The following NCAM2 variants were observed in gnomAD, a reference collection of about 807,000 sequenced individuals.
The protein encoded by NCAM2 is neural cell adhesion molecule 2.
In NCAM2, 30 loss-of-function variants were observed where a neutral mutation model predicts 98.1. That is an observed-to-expected ratio of 0.31 (90% CI 0.23 to 0.41). The LOEUF (loss-of-function observed/expected upper bound fraction) is 0.41, where lower values mean the gene tolerates loss of function less well. NCAM2 is among the 10% of genes least tolerant of loss of function. NCAM2 has a pLI of 1.00. For synonymous variants in NCAM2, 368 were observed against 342.4 expected (o/e 1.07, Z -0.83); for missense variants, 867 against 1,005.8 (o/e 0.86, Z 1.87).
At chr21:21,105,770 C>T (rs1319359960) in intron 1 of NCAM2, among the ~76,000 whole-genome samples, 3 of 152,058 alleles carry the variant, frequency 2.0e-5, no homozygotes, top group Non-Finnish European at 4.4e-5. Flanking sequence ...AGCCAATCTG[C>T]AAAGTCCATA....
intron 14 of NCAM2, among the ~76,000 whole-genome samples, chr21:21,469,916 T>C (rs1984215402): frequency 6.6e-6 from 1 of 152,102 alleles, no homozygotes; most frequent in East Asian, 1.9e-4. Flanking sequence ...AGATAATCTT[T>C]TCTAGGGAGG....
intron 9 of NCAM2, among the ~76,000 whole-genome samples, chr21:21,378,737 A>C (rs1255269860): frequency 6.6e-6 from 1 of 152,050 alleles, no homozygotes; most frequent in Admixed American, 6.6e-5. Context: ...TTGTTTATCT[A>C]GTACCTATTG....
chr21:21,337,723 T>G (rs2147871299), intron 7 of NCAM2, among the ~76,000 whole-genome samples: 1 of 152,132 alleles, frequency 6.6e-6, no homozygotes, highest in African/African-American at 2.4e-5. Flanking sequence ...GACATAATGC[T>G]TTTCTTTTTA....
rs374443430 is a variant in NCAM2, at chr21:21,418,584, A to G, written c.1480+15A>G. 3.9e-6 allele frequency: 6 copies of G among 1,538,236 alleles called. No individual in the cohort carries two copies. In the East Asian group the frequency reaches 6.8e-5, roughly 17 times the overall value. ...TGCTTTGGCTGGTAAGTATAGCACAATAATTTTTGAGATCGCACACAATAT... is the reference window on the plus strand; with the variant it reads ...TGCTTTGGCTGGTAAGTATAGCACAGTAATTTTTGAGATCGCACACAATAT... On this transcript the variant is annotated intron_variant, in intron 11 of 17. Transcript: ENST00000400546.
chr21:21,354,817 A>G lies in NCAM2; in HGVS notation c.1044+16283A>G, dbSNP rs564848526. Among the ~76,000 whole-genome samples, 17 of 104,648 alleles carry G rather than the reference A, an allele frequency of 1.6e-4. No individual in the cohort carries two copies. In the South Asian group the frequency reaches 2.9e-3, roughly 18 times the overall value. The allele number at this position is 104,648 out of a possible 152,430, so 68.7% of individuals were successfully genotyped here. On this transcript the variant is annotated intron_variant, in intron 8 of 17. Coordinates refer to ENST00000400546, the MANE Select transcript of NCAM2 (RefSeq NM_004540.5). ...AAATCATTGTAAAAGAAACTCATTT[A>G]CTTCCAGTCCTTAGCACTAAATGTT...
intron 8 of NCAM2, among the ~76,000 whole-genome samples, chr21:21,346,472 G>A (rs753361134): frequency 2.6e-5 from 4 of 152,086 alleles, no homozygotes; most frequent in Non-Finnish European, 5.9e-5. Flanking sequence ...TTGGACAAAT[G>A]TTTCAGACAG....
At chr21:21,323,310 A>T (rs1158675921) in intron 5 of NCAM2, among the ~76,000 whole-genome samples, 1 of 152,182 alleles carries the variant, frequency 6.6e-6, no homozygotes, top group South Asian at 2.1e-4. Flanking sequence ...TGTTTCTTGT[A>T]TCTAAATTCA....
chr21:21,115,535 C>T (rs1434657320), intron 1 of NCAM2, among the ~76,000 whole-genome samples: 3 of 152,138 alleles, frequency 2.0e-5, no homozygotes, highest in Admixed American at 2.0e-4. Flanking sequence ...TTTGGAAATG[C>T]AGCTTTCAAA....
intron 1 of NCAM2, among the ~76,000 whole-genome samples, chr21:21,030,650 C>G (rs953657762): frequency 6.6e-6 from 1 of 152,120 alleles, no homozygotes; most frequent in Admixed American, 6.5e-5. Flanking sequence ...CTGCCTATCA[C>G]GATTATTATA....
At chr21:21,098,115 G>C (rs4239833) in intron 1 of NCAM2, among the ~76,000 whole-genome samples, 98,159 of 148,968 alleles carry the variant, frequency 0.66, 35,448 homozygotes, top group Admixed American at 0.79. Flanking sequence ...ATGGAATTTA[G>C]TTTTACAAAA....
At chr21:21,449,508 C>T (rs1185550940) in intron 12 of NCAM2, among the ~76,000 whole-genome samples, 2 of 151,948 alleles carry the variant, frequency 1.3e-5, no homozygotes, top group Non-Finnish European at 2.9e-5. Flanking sequence ...CTTGTGGGCT[C>T]TCATGCACAT....
chr21:21,496,725 C>T (rs961004948), intron 15 of NCAM2, among the ~76,000 whole-genome samples: 3 of 152,044 alleles, frequency 2.0e-5, no homozygotes, highest in Admixed American at 6.6e-5. Context: ...AGGTTGTCGT[C>T]CAGGATTTTT....
At chr21:21,165,388 GA>G (rs1466724532) in intron 1 of NCAM2, among the ~76,000 whole-genome samples, 2 of 152,072 alleles carry the variant, frequency 1.3e-5, no homozygotes, top group African/African-American at 4.8e-5. Context: ...CCTCCTTCCA[GA>G]GCAAAAACAG....
At chr21:21,352,282 TGG>T (rs2075363414) in intron 8 of NCAM2, among the ~76,000 whole-genome samples, 1 of 151,734 alleles carries the variant, frequency 6.6e-6, no homozygotes, top group African/African-American at 2.4e-5. Flanking sequence ...TTGTTGTTGG[TGG>T]TGGTGGTGGT....
At chr21:21,333,946 A>G (rs909559570) in intron 6 of NCAM2, among the ~76,000 whole-genome samples, 1 of 151,972 alleles carries the variant, frequency 6.6e-6, no homozygotes, top group African/African-American at 2.4e-5. Context: ...AAAAGATACT[A>G]TATATGCATT....
intron 1 of NCAM2, among the ~76,000 whole-genome samples, chr21:21,153,131 G>A (rs867740377): frequency 5.0e-4 from 73 of 146,510 alleles, no homozygotes; most frequent in African/African-American, 1.8e-3. Flanking sequence ...GGATTGTCTG[G>A]AGTCAACTAT....
chr21:21,068,308 A>G (rs941492138), intron 1 of NCAM2, among the ~76,000 whole-genome samples: 1 of 148,728 alleles, frequency 6.7e-6, no homozygotes, highest in Non-Finnish European at 1.5e-5. Context: ...AATTTTTTGT[A>G]TTTTTAGTAC....
intron 15 of NCAM2, among the ~76,000 whole-genome samples, chr21:21,492,133 T>G (rs1368899680): frequency 6.6e-6 from 1 of 151,764 alleles, no homozygotes; most frequent in Non-Finnish European, 1.5e-5. Context: ...CCAAACTCTA[T>G]TATTTTATTA....
Position 21,466,526 on chromosome 21 carries a change from G to A in NCAM2, c.1655-80G>A, listed in dbSNP as rs1296631566. Reference sequence around the variant, plus strand: ...ACTCAGAATTGTAATAGTTTGATTTGTTTTCCTTATTAAAATGTGTCCAAT... The same window carrying A: ...ACTCAGAATTGTAATAGTTTGATTTATTTTCCTTATTAAAATGTGTCCAAT... On this transcript the variant is annotated intron_variant, in intron 12 of 17. Coordinates refer to ENST00000400546, the MANE Select transcript of NCAM2 (RefSeq NM_004540.5). The A allele has an allele frequency of 2.0e-5, 22 of 1,074,608 alleles. No individual in the cohort carries two copies. The South Asian group carries it at 4.5e-4, about 22-fold the overall frequency. 66.6% of individuals were successfully genotyped at this position (1,074,608 alleles called of 1,614,324 possible).
Sources: gnomAD v4.1 joint callset for allele counts (sites outside exome capture counted in the v4.1 genomes callset) on GRCh38, gnomAD v4.1.1 for gene constraint, MANE v1.5 for transcripts, NCBI Gene and HGNC (gene_info 2026-07-23, HGNC 2026-07-21) for gene names.